Variants in MICAL2 observed in about 807,000 individuals in gnomAD.
The protein encoded by MICAL2 is [F-actin]-monooxygenase MICAL2.
In MICAL2, 77 loss-of-function variants were observed where a neutral mutation model predicts 127.3. That is an observed-to-expected ratio of 0.60 (90% CI 0.50 to 0.73). MICAL2 has a LOEUF of 0.73. MICAL2 is among the 30% of genes least tolerant of loss of function. The pLI is 0.00. For missense variants in MICAL2, 1,351 were observed against 1,434.4 expected (o/e 0.94, Z 0.94); for synonymous variants, 570 against 551.1 (o/e 1.03, Z -0.48).
chr11:12,216,520 T>C, intron 8 of MICAL2: 2 of 583,916 alleles, frequency 3.4e-6, no homozygotes, highest in Non-Finnish European at 6.1e-6. Context: ...GAGAATTTTC[T>C]GCAGAGGGAC....
Position 12,239,451 on chromosome 11 carries a change from A to G in MICAL2, c.2080A>G (p.Ser694Gly). Residue 694 changes from serine to glycine, a missense_variant, in exon 17 of 28, where the codon AGC becomes GGC. Physicochemically the swap from Ser to Gly is moderately conservative, Grantham distance 56. Around this residue, in one of 2 missense-constraint regions of MICAL2, gnomAD observed 752 missense variants for 719.4 expected, o/e 1.05. Transcript: ENST00000683283. ...ACCTTTGCAGCCTTCAAACTTTTCC[A>G]GCCGTAGCTTGGGCTCCAATCAAGA... ...TNLDEPSNFS[S>G]RSLGSNQECG... 6 of 1,614,146 alleles carry G rather than the reference A, an allele frequency of 3.7e-6. No homozygotes were observed. Among genetic ancestry groups the G allele is most frequent in the Non-Finnish European group, 5.1e-6 (6 of 1,180,042 alleles).
chr11:12,280,231 T>A (rs1370520682), intron 1 of MICAL2, among the ~76,000 whole-genome samples: 1 of 152,170 alleles, frequency 6.6e-6, no homozygotes, highest in African/African-American at 2.4e-5. Flanking sequence ...ATGCCTGAAG[T>A]TTCGGGACCA....
chr11:12,306,248 A>T (rs1157326607), intron 29 of MICAL2, among the ~76,000 whole-genome samples: 1 of 151,872 alleles, frequency 6.6e-6, no homozygotes. Context: ...GATTTCTAAC[A>T]GTATTCATTA....
chr11:12,356,522 C>T (rs972908466), intron 34 of MICAL2, among the ~76,000 whole-genome samples: 2 of 152,174 alleles, frequency 1.3e-5, no homozygotes, highest in Non-Finnish European at 2.9e-5. Flanking sequence ...CCCCTCATGG[C>T]ATCCCCCATC....
chr11:12,177,524 TC>T (rs1856967164), intron 3 of MICAL2, among the ~76,000 whole-genome samples: 1 of 152,228 alleles, frequency 6.6e-6, no homozygotes, highest in African/African-American at 2.4e-5. Flanking sequence ...TGTCTATTTT[TC>T]CATTTGTTTC....
intron 1 of MICAL2, among the ~76,000 whole-genome samples, chr11:12,279,859 G>T (rs1863753586): frequency 6.6e-6 from 1 of 152,208 alleles, no homozygotes; most frequent in Admixed American, 6.5e-5. Context: ...CAGTGAACAG[G>T]ACTGGGGCAC....
chr11:12,285,131 G>C (rs765013641), intron 2 of MICAL2, among the ~76,000 whole-genome samples: 1 of 152,130 alleles, frequency 6.6e-6, no homozygotes, highest in South Asian at 2.1e-4. Flanking sequence ...TCAGGTCAGA[G>C]ATGAACTCAT....
rs571700450 is a variant in MICAL2, at chr11:12,305,710, T to G, written c.5212+10853T>G. Among the ~76,000 whole-genome samples, 7 of 152,302 alleles carry G rather than the reference T, an allele frequency of 4.6e-5. No homozygotes were observed. The East Asian group carries it at 1.2e-3, about 25-fold the overall frequency. On this transcript the variant is annotated intron_variant, in intron 29 of 34. Transcript: ENST00000646065. ...TGTGGATAACTGAAACTGAGGCAAG[T>G]GAAACTGTGAACATGGGGTACTACT...
chr11:12,220,637 C>G (rs1222429683), intron 9 of MICAL2, among the ~76,000 whole-genome samples, 179 bp downstream of exon 9: 1 of 152,262 alleles, frequency 6.6e-6, no homozygotes, highest in Non-Finnish European at 1.5e-5. Context: ...TCAGAGGAGC[C>G]TATTCTGCCT....
intron 3 of MICAL2, among the ~76,000 whole-genome samples, chr11:12,176,160 A>G (rs1432382455): frequency 2.0e-5 from 3 of 152,186 alleles, no homozygotes; most frequent in Admixed American, 1.3e-4. Flanking sequence ...ACCACAAACC[A>G]GCAGATCAGG....
At chr11:12,355,033 A>T (rs1565314270) in intron 34 of MICAL2, among the ~76,000 whole-genome samples, 1 of 152,212 alleles carries the variant, frequency 6.6e-6, no homozygotes, top group Non-Finnish European at 1.5e-5. Flanking sequence ...AGCCTCATTC[A>T]CTTGGGCTGT....
intron 3 of MICAL2, among the ~76,000 whole-genome samples, chr11:12,192,543 G>A (rs1859330860): frequency 6.6e-6 from 1 of 152,190 alleles, no homozygotes. Context: ...GGAGGCTGAG[G>A]CGGGCGGGTG....
downstream of MICAL2, chr11:12,294,156 C>T (rs776712860): frequency 5.6e-6 from 9 of 1,613,904 alleles, no homozygotes; most frequent in East Asian, 1.8e-4. Context: ...CCCCTGCCAA[C>T]CCAGAGAGGG....
intron 29 of MICAL2, among the ~76,000 whole-genome samples, chr11:12,306,567 G>A (rs1864112365): frequency 6.6e-6 from 1 of 152,240 alleles, no homozygotes; most frequent in South Asian, 2.1e-4. Flanking sequence ...TCAAAATAGA[G>A]ATATTTTCAC....
chr11:12,349,275 C>A (rs1237045944), intron 32 of MICAL2, among the ~76,000 whole-genome samples: 1 of 152,128 alleles, frequency 6.6e-6, no homozygotes, highest in Admixed American at 6.5e-5. Flanking sequence ...ACTTTTCCCC[C>A]ATGAGACACA....
intron 14 of MICAL2, among the ~76,000 whole-genome samples, chr11:12,226,730 G>A (rs1357340770): frequency 6.9e-6 from 1 of 145,776 alleles, no homozygotes; most frequent in East Asian, 2.0e-4. Flanking sequence ...TCGGCTCACT[G>A]CAAGCTCTGC....
intron 3 of MICAL2, among the ~76,000 whole-genome samples, chr11:12,182,481 G>A (rs149951733): frequency 4.8e-4 from 73 of 152,234 alleles, no homozygotes; most frequent in African/African-American, 1.4e-3. Flanking sequence ...ACACCGTAGC[G>A]GCTTTAGCAC....
At chr11:12,134,763 G>C (rs1851703478) in intron 1 of MICAL2, among the ~76,000 whole-genome samples, 3 of 152,156 alleles carry the variant, frequency 2.0e-5, no homozygotes, top group Admixed American at 1.3e-4. Flanking sequence ...GCTGAGGCTG[G>C]AGGAGCGTTC....
chr11:12,330,822 G>GAGAGAGA (rs1555022632), intron 32 of MICAL2, among the ~76,000 whole-genome samples: 48,575 of 129,056 alleles, frequency 0.38, 11,981 homozygotes, highest in Non-Finnish European at 0.53. Flanking sequence ...AGAGAGAGAG[G>GAGAGAGA]GAGAGACAGA....
Sources: gnomAD v4.1 joint callset for allele counts (sites outside exome capture counted in the v4.1 genomes callset) on GRCh38, gnomAD v4.1.1 for gene constraint, gnomAD v4.1.1 regional missense constraint, MANE v1.5 for transcripts, NCBI Gene and HGNC (gene_info 2026-07-23, HGNC 2026-07-21) for gene names.